Variants in RFT1 observed in about 807,000 individuals in gnomAD.
RFT1 encodes the protein man(5)GlcNAc(2)-PP-dolichol translocation protein RFT1.
RFT1 carries 43 observed loss-of-function variants against 62.2 expected under a neutral mutation model. That is an observed-to-expected ratio of 0.69 (90% CI 0.54 to 0.89). The LOEUF (loss-of-function observed/expected upper bound fraction) is 0.89. Ranked by LOEUF, RFT1 falls within the 40% of genes least tolerant of loss-of-function variation. RFT1 has a pLI of 0.00. For missense variants in RFT1, 605 were observed against 649.9 expected, an observed-to-expected ratio of 0.93 and a Z score of 0.75; for synonymous variants, 262 against 264.6, an observed-to-expected ratio of 0.99 and a Z score of 0.10.
At chr3:53,107,358 C>T (rs1488848433) in intron 7 of RFT1, among the ~76,000 whole-genome samples, 2 of 151,996 alleles carry the variant, frequency 1.3e-5, no homozygotes, top group Non-Finnish European at 2.9e-5. Flanking sequence ...AGGATGGTCT[C>T]GATCTCCTGA....
chr3:53,130,152 T>G (rs1702220310), intron 1 of RFT1, among the ~76,000 whole-genome samples, 186 bp downstream of exon 1: 1 of 152,118 alleles, frequency 6.6e-6, no homozygotes, highest in South Asian at 2.1e-4. Context: ...AAAGGCAGGC[T>G]CCTATCTCCG....
At position 53,092,533 on chromosome 3, in the gene RFT1, T is replaced by G; in HGVS notation, c.1294A>C (p.Ile432Leu). 1 of 1,612,428 alleles carries G rather than the reference T, an allele frequency of 6.2e-7. No individual in the cohort carries two copies. The highest frequency in any genetic ancestry group is 1.1e-5 in the South Asian group (1 of 90,440). The part of the protein sequence containing the change: ...LTRWCGSVGF[I>L]LANCFNMGIR... ...CCCATGTTAAAGCAGTTGGCCAAGA[T>G]GAAGCCCACGCTGCCACACCAACGG... The change falls in exon 12 of 13, where the codon ATC (isoleucine) becomes CTC (leucine). Residue 432 changes from isoleucine (I) to leucine (L), a missense_variant. By Grantham distance (5) the Ile-to-Leu change is conservative (BLOSUM62 2). Transcript: ENST00000296292.
chr3:53,084,891 T>C (rs553127592), downstream of RFT1, among the ~76,000 whole-genome samples: 1 of 152,318 alleles, frequency 6.6e-6, no homozygotes, highest in African/African-American at 2.4e-5. Context: ...TGCAGCTCCC[T>C]GGGGAAGGGG....
In RFT1 at chr3:53,119,919, T is replaced by C. The variant is rs749968175; in HGVS notation, c.661A>G (p.Ile221Val). ...GTAATATTGGGTAACAGATCTGTTA[T>C]TCTGGAGACAGGAAGAGTTTGAAGC... ...TKLQTLPVSR[I>V]TDLLPNITRN... Residue 221 changes from isoleucine to valine, a missense_variant, in exon 6 of 13, where the codon ATA becomes GTA. Transcript: ENST00000296292. The C allele has an allele frequency of 5.6e-6, 9 of 1,612,792 alleles. No homozygotes were observed. The highest frequency in any genetic ancestry group is 8.5e-7 in the Non-Finnish European group (1 of 1,179,234).
At chr3:53,074,627 C>A in the RFT1 span, among the ~76,000 whole-genome samples, 1 of 152,174 alleles carries the variant, frequency 6.6e-6, no homozygotes, top group Non-Finnish European at 1.5e-5. Flanking sequence ...GCAGGGCAAC[C>A]CCTCTGCTGG....
chr3:53,107,580 A>T (rs1292281808), intron 7 of RFT1, among the ~76,000 whole-genome samples: 7 of 151,798 alleles, frequency 4.6e-5, no homozygotes, highest in Non-Finnish European at 1.0e-4. Context: ...AAGCTTATCC[A>T]AAGGTTCCTC....
intron 6 of RFT1, among the ~76,000 whole-genome samples, chr3:53,116,222 A>G (rs1701786716): frequency 6.6e-6 from 1 of 151,524 alleles, no homozygotes; most frequent in Non-Finnish European, 1.5e-5. Flanking sequence ...TGCTCTGGGG[A>G]GTCAAGTCAG....
chr3:53,100,145 G>C (rs994969837), intron 10 of RFT1, among the ~76,000 whole-genome samples: 5 of 152,210 alleles, frequency 3.3e-5, no homozygotes, highest in Non-Finnish European at 5.9e-5. Context: ...CATGTTAAGG[G>C]AATCTCAGTT....
chr3:53,115,342 T>C (rs917925438), intron 6 of RFT1, among the ~76,000 whole-genome samples: 9 of 152,072 alleles, frequency 5.9e-5, no homozygotes, highest in African/African-American at 2.2e-4. Context: ...GTATGAGGAC[T>C]GAATGAAAAA....
Position 53,111,811 on chromosome 3 carries a change from A to G in RFT1, c.775+19T>C. On this transcript the variant is annotated intron_variant, in intron 7 of 12. Coordinates refer to ENST00000296292, the MANE Select transcript of RFT1 (RefSeq NM_052859.4). ...TTCTACTATGGTCTCCCGACGATTC[A>G]GAGTGACCGTCTACTTACCTTCTGT... The G allele has an allele frequency of 6.2e-7, 1 of 1,603,838 alleles. No individual in the cohort carries two copies. Among genetic ancestry groups the G allele is most frequent in the Non-Finnish European group, 8.5e-7 (1 of 1,170,544 alleles).
intron 1 of RFT1, among the ~76,000 whole-genome samples, chr3:53,127,366 CAA>C (rs1702135861): frequency 6.6e-6 from 1 of 151,628 alleles, no homozygotes; most frequent in Non-Finnish European, 1.5e-5. Context: ...TTAAAAGGAT[CAA>C]AAGAGATTGT....
At chr3:53,101,849 C>T (rs1253111104) in intron 10 of RFT1, among the ~76,000 whole-genome samples, 1 of 152,054 alleles carries the variant, frequency 6.6e-6, no homozygotes, top group Non-Finnish European at 1.5e-5. Flanking sequence ...ACCAGCCTGG[C>T]CAACATGGCG....
intron 2 of RFT1, among the ~76,000 whole-genome samples, chr3:53,125,072 A>C (rs1208124551): frequency 6.6e-6 from 1 of 152,228 alleles, no homozygotes; most frequent in African/African-American, 2.4e-5. Flanking sequence ...AGCTTATAAA[A>C]ATTCAGATTC....
At chr3:53,123,698 G>A (rs763437768) in intron 3 of RFT1, 26 bp downstream of exon 3, 6 of 1,558,614 alleles carry the variant, frequency 3.8e-6, no homozygotes, top group East Asian at 4.5e-5. Context: ...TTCCTGAAAC[G>A]TGTCTCCTGC....
chr3:53,105,780 G>C lies in RFT1; in HGVS notation c.850C>G (p.Leu284Val), dbSNP rs1199936298. 6 of 1,613,616 alleles carry C rather than the reference G, an allele frequency of 3.7e-6. No individual in the cohort carries two copies. The highest frequency in any genetic ancestry group is 1.3e-5 in the African/African-American group (1 of 74,882). Residue 284 changes from leucine (L) to valine (V), a missense_variant, in exon 9 of 13, where the codon CTT becomes GTT. Physicochemically the swap from Leu to Val is conservative, Grantham distance 32. Transcript: ENST00000296292. ...ATTAATCTGGCCACAAGGGAGCCAA[G>C]ATTATTCACTATATCATACACACCT... ...DQGVYDIVNN[L>V]GSLVARLIFQ...
intron 1 of RFT1, among the ~76,000 whole-genome samples, chr3:53,130,112 G>A (rs1702218666): frequency 6.6e-6 from 1 of 152,334 alleles, no homozygotes; most frequent in South Asian, 2.1e-4. Context: ...AAGGAAAGCG[G>A]CTTGTCTGCA....
At chr3:53,105,221 C>T (rs1415107430) in intron 9 of RFT1, among the ~76,000 whole-genome samples, 1 of 152,236 alleles carries the variant, frequency 6.6e-6, no homozygotes. Context: ...CAAGAGCAGC[C>T]TGGCCAACAT....
the RFT1 span, among the ~76,000 whole-genome samples, chr3:53,075,371 T>C: frequency 1.3e-5 from 2 of 152,234 alleles, no homozygotes; most frequent in African/African-American, 4.8e-5. Flanking sequence ...TCTTGATGGC[T>C]GAGGGAGAGG....
chr3:53,107,180 G>A (rs1304787063), intron 7 of RFT1, among the ~76,000 whole-genome samples: 7 of 147,274 alleles, frequency 4.8e-5, no homozygotes, highest in African/African-American at 1.8e-4. Flanking sequence ...CTGTCACCCA[G>A]GCTGGAGTAC....
Sources: gnomAD v4.1 joint callset for allele counts (sites outside exome capture counted in the v4.1 genomes callset) on GRCh38, gnomAD v4.1.1 for gene constraint, MANE v1.5 for transcripts, NCBI Gene and HGNC (gene_info 2026-07-23, HGNC 2026-07-21) for gene names.